FOXP1: variants seen among roughly 807,000 people sequenced by gnomAD.
The protein encoded by FOXP1 is forkhead box protein P1.
A neutral mutation model predicts 98.2 loss-of-function variants in FOXP1; 15 were observed. The observed-to-expected ratio is 0.15, with a 90% CI of 0.10 to 0.24. The LOEUF (loss-of-function observed/expected upper bound fraction) is 0.24. Among genes scored for constraint, FOXP1 ranks in the 10% least tolerant of loss-of-function variants. The pLI is 1.00. For missense variants in FOXP1, 633 were observed against 848.5 expected, an observed-to-expected ratio of 0.75 and a Z score of 3.15; for synonymous variants, 371 against 314.5, an observed-to-expected ratio of 1.18 and a Z score of -1.90.
intron 3 of FOXP1, among the ~76,000 whole-genome samples, chr3:71,381,551 C>T (rs1038719134): frequency 9.9e-5 from 15 of 151,390 alleles, no homozygotes; most frequent in Non-Finnish European, 1.6e-4. Flanking sequence ...TCAAGTGAGC[C>T]GCCTACCTCA....
intron 5 of FOXP1, among the ~76,000 whole-genome samples, chr3:71,287,321 A>T (rs1397908109): frequency 6.6e-6 from 1 of 151,902 alleles, no homozygotes; most frequent in African/African-American, 2.4e-5. Context: ...ACATACAAAG[A>T]TCAGCCAGGC....
intron 19 of FOXP1, 38 bp from the exon 20 acceptor site, chr3:70,966,094 G>A (rs776379444): frequency 3.2e-6 from 5 of 1,573,090 alleles, no homozygotes; most frequent in East Asian, 2.2e-5. Context: ...AAGACACAGG[G>A]TATGTAAGAC....
At chr3:71,203,471 C>T (rs539575658) in intron 5 of FOXP1, among the ~76,000 whole-genome samples, 2 of 152,320 alleles carry the variant, frequency 1.3e-5, no homozygotes, top group Admixed American at 6.5e-5. Flanking sequence ...TAAATTAAAG[C>T]TGTGCTTTAT....
intron 3 of FOXP1, among the ~76,000 whole-genome samples, chr3:71,412,177 T>G (rs2082803177): frequency 6.7e-6 from 1 of 150,238 alleles, no homozygotes; most frequent in Non-Finnish European, 1.5e-5. Context: ...GGTCGCATGG[T>G]GTAGGGGATC....
At chr3:71,465,573 T>C (rs2088621835) in intron 3 of FOXP1, among the ~76,000 whole-genome samples, 3 of 152,150 alleles carry the variant, frequency 2.0e-5, no homozygotes, top group South Asian at 4.1e-4. Flanking sequence ...TCACTGAAGA[T>C]GGCACTGAAA....
chr3:71,416,121 G>A (rs2083193556), intron 3 of FOXP1, among the ~76,000 whole-genome samples: 1 of 152,136 alleles, frequency 6.6e-6, no homozygotes, highest in Non-Finnish European at 1.5e-5. Context: ...CTTGTCTTTT[G>A]GAGCTGGGGA....
At chr3:71,051,785 C>T (rs1006884473) in intron 9 of FOXP1, among the ~76,000 whole-genome samples, 1 of 152,156 alleles carries the variant, frequency 6.6e-6, no homozygotes, top group African/African-American at 2.4e-5. Context: ...CCACGCAGAA[C>T]TGAATAGAAG....
intron 2 of FOXP1, among the ~76,000 whole-genome samples, chr3:71,495,640 ATAT>A (rs1435818828): frequency 6.6e-6 from 1 of 152,184 alleles, no homozygotes; most frequent in Non-Finnish European, 1.5e-5. Flanking sequence ...TTCTTAGCAG[ATAT>A]TATTATTTTA....
At chr3:71,103,324 C>G (rs554854615) in intron 7 of FOXP1, among the ~76,000 whole-genome samples, 8 of 152,256 alleles carry the variant, frequency 5.3e-5, no homozygotes, top group South Asian at 4.1e-4. Flanking sequence ...TTTTCATGTT[C>G]CTGCAATGAA....
At position 70,956,099 on chromosome 3, in the gene FOXP1, C is replaced by T; in HGVS notation, c.*3148G>A. On this transcript the variant is annotated 3_prime_UTR_variant, in exon 21 of 21. Coordinates refer to ENST00000649528, the MANE Select transcript of FOXP1 (RefSeq NM_001349338.3). Reference sequence around the variant, plus strand: ...TTTTTTTAGTATCGTTAATATAAAGCAGTTGCACAAAAAGCAAAGGTGTTT... The same window carrying T: ...TTTTTTTAGTATCGTTAATATAAAGTAGTTGCACAAAAAGCAAAGGTGTTT... 1 of 233,046 alleles carries T rather than the reference C, an allele frequency of 4.3e-6. No individual in the cohort carries two copies. Among genetic ancestry groups the T allele is most frequent in the Non-Finnish European group, 8.5e-6 (1 of 117,998 alleles). 14.4% of individuals were successfully genotyped at this position (233,046 alleles called of 1,614,324 possible).
chr3:71,577,649 T>C (rs2047826248), intron 2 of FOXP1, among the ~76,000 whole-genome samples: 1 of 152,004 alleles, frequency 6.6e-6, no homozygotes, highest in Non-Finnish European at 1.5e-5. Flanking sequence ...TATAGCAAAG[T>C]GGCCTGCAGA....
In FOXP1 at chr3:71,035,542, G is replaced by A. The variant is rs1351587771; in HGVS notation, c.869+5786C>T. On this transcript the variant is annotated intron_variant, in intron 11 of 20. Coordinates refer to ENST00000649528, the MANE Select transcript of FOXP1 (RefSeq NM_001349338.3). ...TATTTACAAAAGGAAGCAGTGGGCT[G>A]GATTTGGCAGGCTGACCATAATTTG... 2.0e-5 allele frequency among the ~76,000 whole-genome samples: 3 copies of A among 152,248 alleles called. No individual in the cohort carries two copies. In the East Asian group the frequency reaches 5.8e-4, roughly 29 times the overall value.
chr3:71,344,836 T>TAA (rs35662824), intron 4 of FOXP1, among the ~76,000 whole-genome samples: 1,703 of 150,450 alleles, frequency 0.011, 43 homozygotes, highest in Non-Finnish European at 9.4e-3. Context: ...CCGTCTCAAT[T>TAA]AAAAAAAAAA....
Position 71,085,874 on chromosome 3 carries a change from CG to C in FOXP1, c.282+26661del, listed in dbSNP as rs2055036638. Among the ~76,000 whole-genome samples, 3 of 151,434 alleles carry C rather than the reference CG, an allele frequency of 2.0e-5. 1 individual carries two copies. The highest frequency in any genetic ancestry group is 3.9e-4 in the East Asian group (2 of 5,146). On this transcript the variant is annotated intron_variant, in intron 7 of 20. Transcript: ENST00000649528. ...CCTCCTGAGTAGCTGGGACCACAGG[CG>C]GGTGCCACCACACCCAGCTATTTTT... is the stretch of plus-strand genomic sequence containing the variant.
At position 71,129,896 on chromosome 3, in the gene FOXP1, G is replaced by A. The variant is rs561681881; in HGVS notation, c.181-17259C>T. Among the ~76,000 whole-genome samples, 129 of 152,238 alleles carry A rather than the reference G, an allele frequency of 8.5e-4. 2 individuals carry two copies. In the South Asian group the frequency reaches 0.025, roughly 30 times the overall value. On this transcript the variant is annotated intron_variant, in intron 6 of 20. Transcript: ENST00000649528. ...CAACATCAAAGTTAACAACCATCAC[G>A]GAAAGTGAGGCAGGCTTTCCCTTTC...
intron 5 of FOXP1, among the ~76,000 whole-genome samples, chr3:71,228,967 G>GT (rs1553789880): frequency 0.28 from 16,713 of 59,246 alleles, 1,072 homozygotes; most frequent in African/African-American, 0.35. Context: ...ACTGTTGGTT[G>GT]TTTTTTTTTT....
At chr3:71,177,497 T>C (rs1164096877) in intron 6 of FOXP1, among the ~76,000 whole-genome samples, 1 of 152,134 alleles carries the variant, frequency 6.6e-6, no homozygotes, top group Non-Finnish European at 1.5e-5. Context: ...AATGAACTGA[T>C]CATCACCACA....
intron 2 of FOXP1, among the ~76,000 whole-genome samples, chr3:71,576,848 C>T (rs981821828): frequency 6.6e-6 from 1 of 152,160 alleles, no homozygotes; most frequent in African/African-American, 2.4e-5. Context: ...TAGGTTCTCC[C>T]TTTCAGGCAC....
intron 5 of FOXP1, among the ~76,000 whole-genome samples, chr3:71,248,740 CAAA>C (rs34053081): frequency 0.031 from 4,277 of 138,432 alleles, 134 homozygotes; most frequent in African/African-American, 0.089. Context: ...GACGTCATCT[CAAA>C]AAAAAAAAAA....
Sources: gnomAD v4.1 joint callset for allele counts (sites outside exome capture counted in the v4.1 genomes callset) on GRCh38, gnomAD v4.1.1 for gene constraint, MANE v1.5 for transcripts, NCBI Gene and HGNC (gene_info 2026-07-23, HGNC 2026-07-21) for gene names.